The following TVP23A variants were observed in gnomAD, a reference collection of about 807,000 sequenced individuals.
TVP23A encodes trans-golgi network vesicle protein 23 homolog A.
In TVP23A, 21 loss-of-function variants were observed where a neutral mutation model predicts 31.7. The observed-to-expected ratio is 0.66, with a 90% CI of 0.47 to 0.95. The LOEUF (loss-of-function observed/expected upper bound fraction) is 0.95. TVP23A is among the 40% of genes least tolerant of loss of function. TVP23A has a pLI of 0.00. For missense variants in TVP23A, 279 were observed against 255.6 expected (o/e 1.09, Z -0.62); for synonymous variants, 104 against 96.0 (o/e 1.08, Z -0.49).
chr16:10,817,758 G>C (rs967232389), intron 2 of TVP23A, among the ~76,000 whole-genome samples: 6 of 152,132 alleles, frequency 3.9e-5, no homozygotes, highest in Non-Finnish European at 5.9e-5. Context: ...CATCATTCTG[G>C]TCTCAGCTCA....
At chr16:10,761,868 C>A, downstream of TVP23A, 2 of 1,608,268 alleles carry the variant, frequency 1.2e-6, no homozygotes, top group Non-Finnish European at 1.7e-6. Flanking sequence ...AGGTGGGTGA[C>A]CCCAGTGTGG....
In TVP23A at chr16:10,773,923, T is replaced by C. The variant is rs1596497895; in HGVS notation, c.324+116A>G. 6 of 792,518 alleles carry C rather than the reference T, an allele frequency of 7.6e-6. No homozygotes were observed. The East Asian group carries it at 1.4e-4, about 18-fold the overall frequency. 49.1% of individuals were successfully genotyped at this position (792,518 alleles called of 1,614,324 possible). A position where few individuals can be genotyped will look rare whatever the true frequency, so the allele number is the denominator to read the frequency against. On this transcript the variant is annotated intron_variant, in intron 4 of 7. Transcript: ENST00000299866. Reference sequence around the variant, plus strand: ...ATGTTTCACCAGAGCACCTTGGCAATGGTGGCTTTTGTGTAAGGCAGGAAT... The same window carrying C: ...ATGTTTCACCAGAGCACCTTGGCAACGGTGGCTTTTGTGTAAGGCAGGAAT...
intron 2 of TVP23A, among the ~76,000 whole-genome samples, chr16:10,792,474 C>G (rs1032937335): frequency 6.6e-6 from 1 of 152,206 alleles, no homozygotes; most frequent in African/African-American, 2.4e-5. Context: ...CAACCCCACC[C>G]CCAGGCCTCC....
At position 10,770,311 on chromosome 16, in the gene TVP23A, C is replaced by T; in HGVS notation, c.603G>A (p.Gln201=). ...VFQTACPGDF[Q]KPGLEGLEIH... ...TCTCCAGCCCCTCGAGGCCAGGCTT[C>T]TGAAAGTCACCTGGGCAGGCCTGCA... The change falls in exon 7 of 8, where the codon CAG becomes CAA. Residue 201 remains glutamine (Q), a synonymous_variant. Transcript: ENST00000299866. 1 of 1,551,330 alleles carries T rather than the reference C, an allele frequency of 6.4e-7. No homozygotes were observed. The highest frequency in any genetic ancestry group is 8.7e-7 in the Non-Finnish European group (1 of 1,147,000).
rs778079322 is a variant in TVP23A at position 10,818,470 on chromosome 16, TCCCCGAGG to T, written c.9+7_9+14del. 1.2e-6 allele frequency: 2 copies of T among 1,604,452 alleles called. No individual in the cohort carries two copies. Among genetic ancestry groups the T allele is most frequent in the Non-Finnish European group, 1.7e-6 (2 of 1,178,514 alleles). On this transcript the variant is annotated splice_region_variant and intron_variant, in intron 1 of 7. Transcript: ENST00000299866. This position sits in a 1 kb window ranked among gnomAD's most constrained non-coding sequence, Gnocchi z 4.7. Reference sequence around the variant, plus strand: ...TCCCGCCCCGCCTCCAGCCCCAGCATCCCCGAGGCCCTACCTGCTTCATCACCCTCCCA... The same window carrying T: ...TCCCGCCCCGCCTCCAGCCCCAGCATCCCTACCTGCTTCATCACCCTCCCA...
chr16:10,774,765 C>T (rs181680046), intron 3 of TVP23A, among the ~76,000 whole-genome samples, 187 bp downstream of exon 3: 6 of 152,192 alleles, frequency 3.9e-5, no homozygotes, highest in Admixed American at 2.0e-4. Context: ...CACACACCAC[C>T]GCGCCAGGCT....
At position 10,769,671 on chromosome 16, in the gene TVP23A, C is replaced by T. The variant is rs1042109412; in HGVS notation, c.*1-570G>A. Among the ~76,000 whole-genome samples the T allele has an allele frequency of 8.5e-5, 13 of 152,180 alleles. 1 individual carries two copies. Among genetic ancestry groups the T allele is most frequent in the East Asian group, 3.8e-4 (2 of 5,200 alleles). ...CAAATCAAAAAGCCCTTGAAGAGTC[C>T]TTGAATCACCCAGTAAGACAGAATG... is the stretch of plus-strand genomic sequence containing the variant. On this transcript the variant is annotated intron_variant, in intron 7 of 7. Transcript: ENST00000299866.
chr16:10,766,676 AAAGG>A lies in TVP23A; in HGVS notation c.*2422_*2425del, dbSNP rs912221954. 29 of 329,204 alleles carry A rather than the reference AAAGG, an allele frequency of 8.8e-5. No homozygotes were observed. In the Middle Eastern group the frequency reaches 3.1e-3, roughly 35 times the overall value. 20.4% of individuals were successfully genotyped at this position (329,204 alleles called of 1,614,324 possible). A position where few individuals can be genotyped will look rare whatever the true frequency, so the allele number is the denominator to read the frequency against. On this transcript the variant is annotated 3_prime_UTR_variant, in exon 8 of 8. Coordinates refer to ENST00000299866, the MANE Select transcript of TVP23A (RefSeq NM_001079512.4). The surrounding 1 kb of genome is among the most constrained non-coding windows in gnomAD (Gnocchi z 4.8). ...AAAAAATTGGACAAAACGCACAAAG[AAAGG>A]AAGGAAGGAAGGGATTTATTGAAAA...
In TVP23A at chr16:10,818,439, C is replaced by T; in HGVS notation, c.9+46G>A. 1 of 1,594,550 alleles carries T rather than the reference C, an allele frequency of 6.3e-7. No individual in the cohort carries two copies. The highest frequency in any genetic ancestry group is 8.5e-7 in the Non-Finnish European group (1 of 1,174,812). On this transcript the variant is annotated intron_variant, in intron 1 of 7. Coordinates refer to ENST00000299866, the MANE Select transcript of TVP23A (RefSeq NM_001079512.4). This position sits in a 1 kb window ranked among gnomAD's most constrained non-coding sequence, Gnocchi z 4.7. Reference sequence around the variant, plus strand: ...GCTTCTCCAGCGCTCCCGCAGGCTCCCCTCGTCCCGCCCCGCCTCCAGCCC... The same window carrying T: ...GCTTCTCCAGCGCTCCCGCAGGCTCTCCTCGTCCCGCCCCGCCTCCAGCCC...
intron 2 of TVP23A, among the ~76,000 whole-genome samples, chr16:10,813,138 T>C (rs2034278448): frequency 6.6e-6 from 1 of 152,336 alleles, no homozygotes; most frequent in South Asian, 2.1e-4. Context: ...GCCCAGCACC[T>C]GCCCCTGGCA....
Position 10,767,670 on chromosome 16 carries a change from G to T in TVP23A, c.*1432C>A. On this transcript the variant is annotated 3_prime_UTR_variant, in exon 8 of 8. Transcript: ENST00000299866. The surrounding 1 kb of genome is among the most constrained non-coding windows in gnomAD (Gnocchi z 4.6). Reference sequence around the variant, plus strand: ...AATCTCTTAAAATGCAGACTCCTGGGCCCATGTGGAAGCTGCTGAATCAGT... The same window carrying T: ...AATCTCTTAAAATGCAGACTCCTGGTCCCATGTGGAAGCTGCTGAATCAGT... 4.0e-6 allele frequency: 2 copies of T among 502,884 alleles called. No homozygotes were observed. Among genetic ancestry groups the T allele is most frequent in the South Asian group, 5.8e-5 (2 of 34,336 alleles). The allele number at this position is 502,884 out of a possible 1,614,324, so 31.2% of individuals were successfully genotyped here. A position where few individuals can be genotyped will look rare whatever the true frequency, so the allele number is the denominator to read the frequency against.
downstream of TVP23A, among the ~76,000 whole-genome samples, chr16:10,762,482 G>A (rs912054755): frequency 3.0e-4 from 45 of 152,296 alleles, no homozygotes; most frequent in African/African-American, 9.6e-4. Context: ...CCCACTCGCC[G>A]CGGGGCGCTG....
chr16:10,757,858 G>T (rs763063179), downstream of TVP23A: 2 of 1,608,566 alleles, frequency 1.2e-6, no homozygotes, highest in South Asian at 1.1e-5. This position sits in a 1 kb window ranked among gnomAD's most constrained non-coding sequence, Gnocchi z 4.1. Context: ...ATCCCCTGTG[G>T]ATTCCTCTTT....
rs1205103019 is a variant in TVP23A at position 10,777,889 on chromosome 16, T to TA, written c.90-2794dup. Among the ~76,000 whole-genome samples, 2 of 152,080 alleles carry TA rather than the reference T, an allele frequency of 1.3e-5. No homozygotes were observed. Among genetic ancestry groups the TA allele is most frequent in the Non-Finnish European group, 2.9e-5 (2 of 68,020 alleles). On this transcript the variant is annotated intron_variant, in intron 2 of 7. Coordinates refer to ENST00000299866, the MANE Select transcript of TVP23A (RefSeq NM_001079512.4). The surrounding 1 kb of genome is among the most constrained non-coding windows in gnomAD (Gnocchi z 4.5). ...AGCTGAGCGTGGTGGTGGGCGCCTG[T>TA]AGTCCCAGCTACTCGGGACGCTGAG...
At position 10,811,458 on chromosome 16, in the gene TVP23A, C is replaced by T. The variant is rs569607720; in HGVS notation, c.89+6645G>A. ...TACTTTTTGTATTTTCTGTAGATAACGGGGTTTTGCCATGTTGCTCAGGCT... is the reference window on the plus strand; with the variant it reads ...TACTTTTTGTATTTTCTGTAGATAATGGGGTTTTGCCATGTTGCTCAGGCT... On this transcript the variant is annotated intron_variant, in intron 2 of 7. Transcript: ENST00000299866. Among the ~76,000 whole-genome samples the T allele has an allele frequency of 2.0e-4, 30 of 151,866 alleles. 1 individual carries two copies. The highest frequency in any genetic ancestry group is 6.8e-3 in the Middle Eastern group (2 of 294).
At chr16:10,798,925 G>T (rs942191015) in intron 2 of TVP23A, among the ~76,000 whole-genome samples, 1 of 152,220 alleles carries the variant, frequency 6.6e-6, no homozygotes, top group Non-Finnish European at 1.5e-5. Context: ...GCCTTCCAAA[G>T]TTCTGGGATT....
At chr16:10,796,132 G>A (rs555394127) in intron 2 of TVP23A, among the ~76,000 whole-genome samples, 1 of 152,226 alleles carries the variant, frequency 6.6e-6, no homozygotes, top group Admixed American at 6.5e-5. Context: ...AGGATCGCTT[G>A]AGCCCAGGAG....
At chr16:10,793,393 G>A (rs1490574819) in intron 2 of TVP23A, among the ~76,000 whole-genome samples, 1 of 152,046 alleles carries the variant, frequency 6.6e-6, no homozygotes, top group Non-Finnish European at 1.5e-5. Flanking sequence ...CTGGATGCTG[G>A]GCCCAGGCTG....
downstream of TVP23A, among the ~76,000 whole-genome samples, chr16:10,763,326 G>C (rs1046794192): frequency 6.6e-5 from 10 of 152,072 alleles, no homozygotes; most frequent in Admixed American, 6.5e-5. Flanking sequence ...ACAGTGTTGG[G>C]GGATGGCTGC....
Sources: allele counts gnomAD v4.1 joint callset (sites outside exome capture counted in the v4.1 genomes callset), GRCh38; gene constraint gnomAD v4.1.1; non-coding constraint Gnocchi (gnomAD v3.1); transcripts MANE v1.5; gene names NCBI Gene and HGNC (gene_info 2026-07-23, HGNC 2026-07-21).